The following FBXO44 variants were observed in gnomAD, a reference collection of about 807,000 sequenced individuals.
FBXO44 encodes F-box only protein 44.
A neutral mutation model predicts 33.5 loss-of-function variants in FBXO44; 25 were observed. That is an observed-to-expected ratio of 0.75 (90% CI 0.54 to 1.04). The LOEUF (loss-of-function observed/expected upper bound fraction) is 1.04, where lower values mean the gene tolerates loss of function less well. Among genes scored for constraint, FBXO44 ranks in the 50% least tolerant of loss-of-function variants. The pLI is 0.00. For missense variants in FBXO44, 311 were observed against 344.0 expected (o/e 0.90, Z 0.76); for synonymous variants, 147 against 152.8 (o/e 0.96, Z 0.28).
chr1:11,661,221 A>G lies in FBXO44; in HGVS notation c.716A>G (p.Tyr239Cys), dbSNP rs1640166710. ...GACACTCATTACTGGGCCGGCTGGT[A>G]CGGCCCGAGGGTCACCAACAGCAGC... ...GVDTHYWAGWYGPRVTNSSIT... is the reference protein window; with the variant it reads ...GVDTHYWAGWCGPRVTNSSIT... Residue 239 changes from tyrosine to cysteine, a missense_variant, in exon 6 of 6, where the codon TAC becomes TGC. By Grantham distance (194) the Tyr-to-Cys change is radical (BLOSUM62 -2). Coordinates refer to ENST00000251547, the MANE Select transcript of FBXO44 (RefSeq NM_033182.7). The surrounding 1 kb of genome is among the most constrained non-coding windows in gnomAD (Gnocchi z 4.4). 2 of 1,614,068 alleles carry G rather than the reference A, an allele frequency of 1.2e-6. No homozygotes were observed. The highest frequency in any genetic ancestry group is 1.7e-6 in the Non-Finnish European group (2 of 1,180,008).
Position 11,655,896 on chromosome 1 carries a change from G to A in FBXO44, c.61G>A (p.Val21Met). Reference protein sequence around the residue: ...ENILLELFTHVPARQLLLNCR... With the variant: ...ENILLELFTHMPARQLLLNCR... Reference sequence around the variant, plus strand: ...CATCCTGCTGGAGCTGTTCACGCACGTGCCCGCCCGCCAGCTGCTGCTGAA... The same window carrying A: ...CATCCTGCTGGAGCTGTTCACGCACATGCCCGCCCGCCAGCTGCTGCTGAA... The change falls in exon 2 of 6, where the codon GTG (valine) becomes ATG (methionine). Residue 21 changes from valine to methionine, a missense_variant. Coordinates refer to ENST00000251547, the MANE Select transcript of FBXO44 (RefSeq NM_033182.7). 2 of 1,613,904 alleles carry A rather than the reference G, an allele frequency of 1.2e-6. No individual in the cohort carries two copies. Among genetic ancestry groups the A allele is most frequent in the South Asian group, 1.1e-5 (1 of 91,078 alleles).
In FBXO44 at chr1:11,655,959, G is replaced by A. The variant is rs183109009; in HGVS notation, c.124G>A (p.Asp42Asn). The change falls in exon 2 of 6, where the codon GAC becomes AAC. Residue 42 changes from aspartate to asparagine, a missense_variant. Asp to Asn is a conservative substitution (Grantham distance 23). Coordinates refer to ENST00000251547, the MANE Select transcript of FBXO44 (RefSeq NM_033182.7). ...LVCSLWRDLI[D>N]LVTLWKRKCL... ...CTGCAGCCTCTGGCGGGACCTCATCGACCTCGTGACCCTCTGGAAACGCAA... is the reference window on the plus strand; with the variant it reads ...CTGCAGCCTCTGGCGGGACCTCATCAACCTCGTGACCCTCTGGAAACGCAA... 20 of 1,614,024 alleles carry A rather than the reference G, an allele frequency of 1.2e-5. No homozygotes were observed. The highest frequency in any genetic ancestry group is 2.2e-5 in the East Asian group (1 of 44,878).
At chr1:11,655,687 G>A (rs1639730022) in intron 1 of FBXO44, 119 bp from the exon 2 acceptor site, 2 of 1,077,226 alleles carry the variant, frequency 1.9e-6, no homozygotes, top group Non-Finnish European at 2.6e-6. Flanking sequence ...GACCGCCCCA[G>A]TGACCCCTGG....
At chr1:11,660,065 A>T (rs1570250196) in intron 5 of FBXO44, among the ~76,000 whole-genome samples, 1 of 152,382 alleles carries the variant, frequency 6.6e-6, no homozygotes, top group East Asian at 1.9e-4. Context: ...GCTATCCATA[A>T]GGTAGCCAGT....
intron 4 of FBXO44, 46 bp from the exon 5 acceptor site, chr1:11,658,690 T>G: frequency 5.4e-6 from 6 of 1,114,480 alleles, no homozygotes; most frequent in Non-Finnish European, 7.8e-6. Context: ...ACCCCCGCCC[T>G]GCCCCCAATC....
rs901331352 is a variant in FBXO44, at chr1:11,663,283, A to G, written c.*2010A>G. The G allele has an allele frequency of 6.6e-6, 1 of 152,214 alleles. No homozygotes were observed. Among genetic ancestry groups the G allele is most frequent in the Non-Finnish European group, 1.5e-5 (1 of 68,052 alleles). 9.4% of individuals were successfully genotyped at this position (152,214 alleles called of 1,614,324 possible). On this transcript the variant is annotated 3_prime_UTR_variant, in exon 6 of 6. Transcript: ENST00000251547. ...ATTGTTTCTTGAGGCTTCCCCAGCC[A>G]TATGGAACTATAAGTCAATTAAACC...
rs375867615 is a variant in FBXO44 at position 11,658,615 on chromosome 1, G to C, written c.475G>C (p.Glu159Gln). The change falls in exon 4 of 6, where the codon GAG becomes CAG. Residue 159 changes from glutamate to glutamine, a missense_variant. Transcript: ENST00000251547. ...ELMDTTRPDI[E>Q]VKDWFAARPD... ...GATGGATACCACACGGCCGGACATC[G>C]AGGTCAAGGACTGGTGAGTGCCTGG... The C allele has an allele frequency of 9.1e-5, 147 of 1,613,452 alleles. No homozygotes were observed. The highest frequency in any genetic ancestry group is 1.1e-4 in the Non-Finnish European group (135 of 1,179,982).
At chr1:11,655,431 G>T (rs1639709889) in intron 1 of FBXO44, 1 of 216,210 alleles carries the variant, frequency 4.6e-6, no homozygotes, top group African/African-American at 2.3e-5. Flanking sequence ...ATGTTCTGAG[G>T]ATGGGAGAGA....
At position 11,662,443 on chromosome 1, in the gene FBXO44, C is replaced by T. The variant is rs941934649; in HGVS notation, c.*1170C>T. On this transcript the variant is annotated 3_prime_UTR_variant, in exon 6 of 6. Coordinates refer to ENST00000251547, the MANE Select transcript of FBXO44 (RefSeq NM_033182.7). ...CACAGAAACAGGTTCATGGGCAGACCCCTCAGTGAGCTGCAGGTATCTCAC... is the reference window on the plus strand; with the variant it reads ...CACAGAAACAGGTTCATGGGCAGACTCCTCAGTGAGCTGCAGGTATCTCAC... 2 of 152,208 alleles carry T rather than the reference C, an allele frequency of 1.3e-5. No individual in the cohort carries two copies. The highest frequency in any genetic ancestry group is 2.9e-5 in the Non-Finnish European group (2 of 68,088). The allele number at this position is 152,208 out of a possible 1,614,324, so 9.4% of individuals were successfully genotyped here. A position where few individuals can be genotyped will look rare whatever the true frequency, so the allele number is the denominator to read the frequency against.
Position 11,658,516 on chromosome 1 carries a change from C to T in FBXO44, c.393-17C>T. ...AGTGGTGAGCCCAGCCCCTCCCACC[C>T]CTCTGCCTGCCCCCAGCACCTGCCT... On this transcript the variant is annotated splice_polypyrimidine_tract_variant and intron_variant, in intron 3 of 5. Coordinates refer to ENST00000251547, the MANE Select transcript of FBXO44 (RefSeq NM_033182.7). 1 of 1,610,436 alleles carries T rather than the reference C, an allele frequency of 6.2e-7. No homozygotes were observed. Among genetic ancestry groups the T allele is most frequent in the Non-Finnish European group, 8.5e-7 (1 of 1,178,960 alleles).
At chr1:11,656,530 C>T (rs113706416) in intron 2 of FBXO44, among the ~76,000 whole-genome samples, 20,100 of 150,800 alleles carry the variant, frequency 0.13, 2,765 homozygotes, top group African/African-American at 0.35. Context: ...GGTGCGATCT[C>T]GGCTCACTGC....
rs915966764 is a variant in FBXO44 at position 11,656,013 on chromosome 1, G to A, written c.178G>A (p.Asp60Asn). 2 of 1,614,064 alleles carry A rather than the reference G, an allele frequency of 1.2e-6. No individual in the cohort carries two copies. The highest frequency in any genetic ancestry group is 2.7e-5 in the African/African-American group (2 of 74,934). Reference sequence around the variant, plus strand: ...CCTGCGAGAGGGCTTCATCACTGAGGACTGGGACCAGCCCGTGGCCGACTG... The same window carrying A: ...CCTGCGAGAGGGCTTCATCACTGAGAACTGGGACCAGCCCGTGGCCGACTG... ...KCLREGFITE[D>N]WDQPVADWKI... The change falls in exon 2 of 6, where the codon GAC (aspartate) becomes AAC (asparagine). Residue 60 changes from aspartate to asparagine, a missense_variant. Coordinates refer to ENST00000251547, the MANE Select transcript of FBXO44 (RefSeq NM_033182.7).
intron 2 of FBXO44, among the ~76,000 whole-genome samples, 198 bp downstream of exon 2, chr1:11,656,298 T>G (rs1639792089): frequency 1.3e-5 from 2 of 149,142 alleles, no homozygotes; most frequent in Admixed American, 1.3e-4. Flanking sequence ...GTGTTTCTTA[T>G]TCTTACTATA....
upstream of FBXO44, chr1:11,654,440 C>T (rs1030051847): frequency 5.7e-6 from 7 of 1,218,392 alleles, no homozygotes; most frequent in Non-Finnish European, 7.3e-6. Context: ...GTGTCGGTCC[C>T]GGCGACCGCG....
Position 11,661,171 on chromosome 1 carries a change from C to T in FBXO44, c.666C>T (p.Tyr222=). The T allele has an allele frequency of 6.2e-7, 1 of 1,614,060 alleles. No individual in the cohort carries two copies. Among genetic ancestry groups the T allele is most frequent in the Non-Finnish European group, 8.5e-7 (1 of 1,179,952 alleles). ...CCAACTACCCGCCCGGCGTCCGCTACATCTGGTTTCAGCACGGCGGCGTGG... is the reference window on the plus strand; with the variant it reads ...CCAACTACCCGCCCGGCGTCCGCTATATCTGGTTTCAGCACGGCGGCGTGG... ...TFSNYPPGVR[Y]IWFQHGGVDT... Residue 222 remains tyrosine, a synonymous_variant, in exon 6 of 6, where the codon TAC becomes TAT. Transcript: ENST00000251547. This position sits in a 1 kb window ranked among gnomAD's most constrained non-coding sequence, Gnocchi z 4.4.
chr1:11,656,311 C>CT (rs34347559), intron 2 of FBXO44, among the ~76,000 whole-genome samples: 3,334 of 93,874 alleles, frequency 0.036, 147 homozygotes, highest in South Asian at 0.066. Context: ...TTACTATACT[C>CT]TTTTTTTTTT....
At chr1:11,659,065 G>T (rs1335978226) in intron 5 of FBXO44, among the ~76,000 whole-genome samples, 194 bp downstream of exon 5, 2 of 152,260 alleles carry the variant, frequency 1.3e-5, no homozygotes, top group African/African-American at 4.8e-5. Flanking sequence ...TCAGTGAAAT[G>T]ATGCTGGCAA....
Position 11,661,155 on chromosome 1 carries a change from C to T in FBXO44, c.650C>T (p.Pro217Leu), listed in dbSNP as rs764369863. The T allele has an allele frequency of 1.4e-5, 23 of 1,613,520 alleles. No homozygotes were observed. The highest frequency in any genetic ancestry group is 4.0e-5 in the African/African-American group (3 of 74,922). ...GTCTCCCACACATTCTCCAACTACC[C>T]GCCCGGCGTCCGCTACATCTGGTTT... ...REVSHTFSNY[P>L]PGVRYIWFQH... is the part of the protein sequence containing the mutation. The change falls in exon 6 of 6, where the codon CCG becomes CTG. Residue 217 changes from proline to leucine, a missense_variant. By Grantham distance (98) the Pro-to-Leu change is moderately conservative. Transcript: ENST00000251547. The surrounding 1 kb of genome is among the most constrained non-coding windows in gnomAD (Gnocchi z 4.4).
intron 2 of FBXO44, among the ~76,000 whole-genome samples, chr1:11,656,759 G>A (rs1163074172): frequency 3.8e-4 from 58 of 152,114 alleles, no homozygotes; most frequent in South Asian, 4.1e-4. Context: ...CACCGCGCCC[G>A]GCCTCTTATT....
Sources: gnomAD v4.1 joint callset for allele counts (sites outside exome capture counted in the v4.1 genomes callset) on GRCh38, gnomAD v4.1.1 for gene constraint, Gnocchi (gnomAD v3.1) non-coding constraint, MANE v1.5 for transcripts, NCBI Gene and HGNC (gene_info 2026-07-23, HGNC 2026-07-21) for gene names.